CYSLTR1: variants seen among roughly 807,000 people sequenced by gnomAD.
CYSLTR1 encodes G-protein coupled receptor HG55.
Under a neutral mutation model 2.1 loss-of-function variants are expected in CYSLTR1, and 1 was observed. The observed-to-expected ratio is 0.48, with a 90% confidence interval of 0.17 to 2.28. The LOEUF (loss-of-function observed/expected upper bound fraction) is 2.28. Ranked by LOEUF, CYSLTR1 falls within the 30% of genes most tolerant of loss-of-function variation. The pLI is 0.26. For synonymous variants in CYSLTR1, 110 were observed against 89.6 expected (o/e 1.23, Z -1.28); for missense variants, 299 against 250.1 (o/e 1.20, Z -1.32).
chrX:78,323,414 C>A (rs373985673), intron 1 of CYSLTR1, among the ~76,000 whole-genome samples: 281 of 111,984 alleles, frequency 2.5e-3, no homozygotes, highest in African/African-American at 8.6e-3. Context: ...AAATTCAGAT[C>A]AAACACAAAT....
At chrX:78,314,887 C>T (rs1364767543) in intron 1 of CYSLTR1, among the ~76,000 whole-genome samples, 1 of 108,943 alleles carries the variant, frequency 9.2e-6, no homozygotes, top group Non-Finnish European at 1.9e-5. Flanking sequence ...CTAAACTGTG[C>T]CCAGATACAG....
At chrX:78,325,011 T>C (rs1261938717) in intron 1 of CYSLTR1, among the ~76,000 whole-genome samples, 1 of 112,428 alleles carries the variant, frequency 8.9e-6, no homozygotes, top group Non-Finnish European at 1.9e-5. Context: ...AGTGGGATAT[T>C]GTGTTGCATT....
chrX:78,325,470 G>T (rs1052839784), intron 1 of CYSLTR1, among the ~76,000 whole-genome samples: 8 of 112,040 alleles, frequency 7.1e-5, no homozygotes, highest in African/African-American at 2.6e-4. Context: ...AAGAGATTTA[G>T]AAAATATTCC....
chrX:78,324,331 C>T (rs1409624744), intron 1 of CYSLTR1, among the ~76,000 whole-genome samples: 7 of 112,434 alleles, frequency 6.2e-5, no homozygotes, highest in African/African-American at 2.3e-4. Context: ...GTACTTCTTG[C>T]TATGAGTCTA....
chrX:78,299,420 G>A (rs1296484977), intron 1 of CYSLTR1, among the ~76,000 whole-genome samples: 2 of 110,826 alleles, frequency 1.8e-5, no homozygotes, highest in Non-Finnish European at 3.8e-5. Flanking sequence ...GCTCACTAAT[G>A]TACTCTTTTC....
intron 1 of CYSLTR1, among the ~76,000 whole-genome samples, chrX:78,289,253 G>A (rs1017330497): frequency 1.8e-5 from 2 of 110,926 alleles, no homozygotes; most frequent in Admixed American, 1.9e-4. Context: ...TGAGAATGAG[G>A]GCTTCTAGCT....
chrX:78,288,034 A>C (rs1455568657), intron 1 of CYSLTR1, among the ~76,000 whole-genome samples: 2 of 111,127 alleles, frequency 1.8e-5, no homozygotes, highest in Non-Finnish European at 3.8e-5. Context: ...CAAAGAACAA[A>C]AAAAAAATGA....
At chrX:78,306,759 A>C (rs1569552412) in intron 1 of CYSLTR1, among the ~76,000 whole-genome samples, 1 of 111,675 alleles carries the variant, frequency 9.0e-6, no homozygotes, top group Non-Finnish European at 1.9e-5. Context: ...AAGATAATAA[A>C]GGAGAAAAGA....
intron 1 of CYSLTR1, among the ~76,000 whole-genome samples, chrX:78,326,379 A>C (rs1237369047): frequency 1.8e-5 from 2 of 112,050 alleles, no homozygotes; most frequent in Non-Finnish European, 3.8e-5. Flanking sequence ...AACAGTGTAC[A>C]ATCTAGTCCA....
chrX:78,273,519 C>A lies in CYSLTR1; in HGVS notation c.228G>T (p.Leu76=). 1 of 1,211,671 alleles carries A rather than the reference C, an allele frequency of 8.3e-7. No individual in the cohort carries two copies. Among genetic ancestry groups the A allele is most frequent in the South Asian group, 1.8e-5 (1 of 56,979 alleles). The change falls in exon 3 of 3, where the codon CTG becomes CTT. Residue 76 remains leucine (L), a synonymous_variant. Coordinates refer to ENST00000373304, the MANE Select transcript of CYSLTR1 (RefSeq NM_006639.4). The part of the protein sequence containing the change: ...AVADLLCVCT[L]PLRVVYYVHK... ...GAACATAATAGACCACACGGAGAGG[C>A]AGTGTGCACACACAAAGTAGATCTG...
chrX:78,293,351 T>C (rs1003848280), intron 1 of CYSLTR1, among the ~76,000 whole-genome samples: 50 of 112,056 alleles, frequency 4.5e-4, no homozygotes, highest in Non-Finnish European at 7.9e-4. Context: ...AGATCCGCTG[T>C]TAGTCTCATG....
At chrX:78,300,386 T>G (rs1306144911) in intron 1 of CYSLTR1, among the ~76,000 whole-genome samples, 4 of 112,550 alleles carry the variant, frequency 3.6e-5, no homozygotes, top group Non-Finnish European at 7.5e-5. Context: ...ATTGAAAAAT[T>G]AGGTATTTAT....
chrX:78,321,858 G>T (rs1382207077), intron 1 of CYSLTR1, among the ~76,000 whole-genome samples: 1 of 111,521 alleles, frequency 9.0e-6, no homozygotes, highest in African/African-American at 3.3e-5. Flanking sequence ...GAGACAAAAA[G>T]ATTAAATCAG....
At chrX:78,300,112 T>A (rs915448899) in intron 1 of CYSLTR1, among the ~76,000 whole-genome samples, 2 of 112,562 alleles carry the variant, frequency 1.8e-5, no homozygotes, top group African/African-American at 3.2e-5. Flanking sequence ...TCTATTTCAT[T>A]TTTCAGCTCC....
intron 1 of CYSLTR1, among the ~76,000 whole-genome samples, chrX:78,300,744 G>A (rs1922783395): frequency 8.9e-6 from 1 of 112,767 alleles, no homozygotes; most frequent in African/African-American, 3.2e-5. Context: ...CATGGGGGCA[G>A]GTCTATCCCA....
intron 1 of CYSLTR1, among the ~76,000 whole-genome samples, chrX:78,296,376 T>C (rs1922574652): frequency 8.9e-6 from 1 of 111,959 alleles, no homozygotes; most frequent in African/African-American, 3.2e-5. Flanking sequence ...CTTTGGCTAT[T>C]CTGGGTCTGT....
intron 1 of CYSLTR1, among the ~76,000 whole-genome samples, chrX:78,289,022 G>C (rs781663248): frequency 1.2e-3 from 132 of 108,870 alleles, no homozygotes; most frequent in African/African-American, 4.3e-3. Context: ...GTGCAGGTTT[G>C]TTACATAGGT....
intron 1 of CYSLTR1, among the ~76,000 whole-genome samples, 160 bp from the exon 2 acceptor site, chrX:78,283,700 T>C (rs956181059): frequency 6.2e-5 from 7 of 112,171 alleles, no homozygotes; most frequent in Non-Finnish European, 1.9e-5. Context: ...TGTCTCCTTC[T>C]TTTTTCTCCA....
intron 1 of CYSLTR1, among the ~76,000 whole-genome samples, chrX:78,318,564 C>A (rs1460567516): frequency 1.8e-5 from 2 of 112,167 alleles, no homozygotes; most frequent in East Asian, 5.6e-4. Context: ...AGAAAACTTT[C>A]ATGCAAATAA....
Sources: gnomAD v4.1 joint callset for allele counts (sites outside exome capture counted in the v4.1 genomes callset) on GRCh38, gnomAD v4.1.1 for gene constraint, MANE v1.5 for transcripts, NCBI Gene and HGNC (gene_info 2026-07-23, HGNC 2026-07-21) for gene names.